Variants in GLIS3 observed in about 807,000 individuals in gnomAD.
The protein encoded by GLIS3 is zinc finger protein GLIS3.
Under a neutral mutation model 78.6 loss-of-function variants are expected in GLIS3, and 53 were observed. The observed-to-expected ratio is 0.67, with a 90% CI of 0.54 to 0.85. The LOEUF (loss-of-function observed/expected upper bound fraction) is 0.85, where lower values mean the gene tolerates loss of function less well. GLIS3 is among the 40% of genes least tolerant of loss of function. GLIS3 has a pLI of 0.00. For missense variants in GLIS3, 1,703 were observed against 1,231.1 expected (o/e 1.38, Z -5.74); for synonymous variants, 684 against 509.9 (o/e 1.34, Z -4.60).
chr9:3,956,292 G>C (rs1472435556), intron 4 of GLIS3, among the ~76,000 whole-genome samples: 1 of 152,142 alleles, frequency 6.6e-6, no homozygotes, highest in Non-Finnish European at 1.5e-5. Context: ...AAATAAGCTA[G>C]GGGAACAAAA....
chr9:4,148,385 T>C (rs375752085), intron 2 of GLIS3, among the ~76,000 whole-genome samples: 3 of 152,162 alleles, frequency 2.0e-5, no homozygotes, highest in South Asian at 2.1e-4. Context: ...CTCTCCATAT[T>C]TCCATCCTCA....
chr9:4,360,133 A>T, the GLIS3 span, among the ~76,000 whole-genome samples: 3 of 152,104 alleles, frequency 2.0e-5, no homozygotes, highest in Non-Finnish European at 4.4e-5. Flanking sequence ...CACAGGTTTT[A>T]TGCAAACCAT....
At chr9:4,332,963 A>T (rs1376160700) in intron 2 of GLIS3, among the ~76,000 whole-genome samples, 2 of 152,238 alleles carry the variant, frequency 1.3e-5, no homozygotes, top group African/African-American at 4.8e-5. Context: ...TTCAATGTTA[A>T]CGTTTTCAGC....
chr9:4,245,661 C>G (rs117647723), intron 2 of GLIS3, among the ~76,000 whole-genome samples: 1,934 of 152,244 alleles, frequency 0.013, 21 homozygotes, highest in Middle Eastern at 0.055. Flanking sequence ...GTTTTGAAAA[C>G]TGATATAATT....
At chr9:4,167,307 G>A (rs1815948466) in intron 2 of GLIS3, among the ~76,000 whole-genome samples, 2 of 152,182 alleles carry the variant, frequency 1.3e-5, no homozygotes, top group African/African-American at 2.4e-5. Flanking sequence ...GGAGGTAACT[G>A]AGTGAAATTG....
intron 4 of GLIS3, among the ~76,000 whole-genome samples, chr9:4,102,897 T>C (rs1167649466): frequency 6.6e-6 from 1 of 152,056 alleles, no homozygotes; most frequent in East Asian, 1.9e-4. Flanking sequence ...TTAAGAGCTT[T>C]ACATAGAAGG....
At chr9:4,137,767 C>G (rs1054365607) in intron 2 of GLIS3, among the ~76,000 whole-genome samples, 5 of 152,160 alleles carry the variant, frequency 3.3e-5, no homozygotes, top group African/African-American at 1.2e-4. Flanking sequence ...AATGATTTGC[C>G]AAGTTAACTG....
At chr9:4,452,783 T>G in the GLIS3 span, among the ~76,000 whole-genome samples, 1 of 151,664 alleles carries the variant, frequency 6.6e-6, no homozygotes, top group East Asian at 1.9e-4. Context: ...CCCATCAAGC[T>G]GTTTTCTTTA....
chr9:4,331,202 A>T (rs1234092153), intron 2 of GLIS3, among the ~76,000 whole-genome samples: 1 of 152,204 alleles, frequency 6.6e-6, no homozygotes, highest in African/African-American at 2.4e-5. Context: ...TTGTTCTTCC[A>T]GCTTCTAAAG....
chr9:4,034,425 G>A (rs1325099904), intron 4 of GLIS3: 2 of 152,172 alleles, frequency 1.3e-5, no homozygotes, highest in Admixed American at 6.6e-5. Flanking sequence ...AGACCTGTAA[G>A]CATGTTCAGA....
At chr9:4,301,720 G>A (rs1165082807), upstream of GLIS3, among the ~76,000 whole-genome samples, 2 of 152,178 alleles carry the variant, frequency 1.3e-5, no homozygotes, top group Admixed American at 6.5e-5. Flanking sequence ...TATCCTAGGG[G>A]CTTGCAGAAG....
chr9:4,069,435 T>C (rs1157417951), intron 4 of GLIS3, among the ~76,000 whole-genome samples: 1 of 152,108 alleles, frequency 6.6e-6, no homozygotes, highest in African/African-American at 2.4e-5. Flanking sequence ...ATATATAAAA[T>C]CATTAATACA....
intron 4 of GLIS3, among the ~76,000 whole-genome samples, chr9:3,985,417 G>A (rs1040121008): frequency 6.6e-6 from 1 of 152,116 alleles, no homozygotes; most frequent in African/African-American, 2.4e-5. Flanking sequence ...CAAGGTGCTG[G>A]GATTACAGGT....
chr9:4,407,272 C>T, the GLIS3 span, among the ~76,000 whole-genome samples: 1 of 152,214 alleles, frequency 6.6e-6, no homozygotes, highest in Non-Finnish European at 1.5e-5. Context: ...CCTTATCTCT[C>T]ACCATATACA....
chr9:4,104,371 C>G (rs1830599147), intron 4 of GLIS3, among the ~76,000 whole-genome samples: 1 of 152,048 alleles, frequency 6.6e-6, no homozygotes, highest in Non-Finnish European at 1.5e-5. Context: ...TCAGGTCTAC[C>G]TATGTTTAGA....
At chr9:3,897,640 A>G (rs935794699) in intron 7 of GLIS3, among the ~76,000 whole-genome samples, 5 of 152,190 alleles carry the variant, frequency 3.3e-5, no homozygotes, top group Non-Finnish European at 7.3e-5. Context: ...TAAAGGTCCA[A>G]TGGGCCATGA....
At chr9:4,349,258 G>A (rs1263229205), upstream of GLIS3, among the ~76,000 whole-genome samples, 5 of 152,198 alleles carry the variant, frequency 3.3e-5, no homozygotes, top group Non-Finnish European at 7.3e-5. Context: ...CACACTTGCA[G>A]AACTGCAGAC....
chr9:4,336,671 C>G (rs1817762796), intron 2 of GLIS3, among the ~76,000 whole-genome samples: 1 of 152,140 alleles, frequency 6.6e-6, no homozygotes, highest in African/African-American at 2.4e-5. Context: ...CCACCTAACT[C>G]CAAACCTTGC....
intron 4 of GLIS3, among the ~76,000 whole-genome samples, chr9:3,986,664 G>A (rs1023124934): frequency 2.0e-5 from 3 of 152,188 alleles, no homozygotes; most frequent in African/African-American, 4.8e-5. Context: ...GTCATCTGGC[G>A]GCCTGACTGT....
Sources: allele counts gnomAD v4.1 joint callset (sites outside exome capture counted in the v4.1 genomes callset), GRCh38; gene constraint gnomAD v4.1.1; transcripts MANE v1.5; gene names NCBI Gene and HGNC (gene_info 2026-07-23, HGNC 2026-07-21).